The following GFM1 variants were observed in gnomAD, a reference collection of about 807,000 sequenced individuals.
GFM1 encodes elongation factor G, mitochondrial.
In GFM1, 62 loss-of-function variants were observed where a neutral mutation model predicts 96.2. The ratio of observed to expected loss-of-function variants is 0.64; its 90% CI spans 0.53 to 0.80. The LOEUF is 0.80. Ranked by LOEUF, GFM1 falls within the 30% of genes least tolerant of loss-of-function variation. The pLI, the probability that GFM1 is intolerant of heterozygous loss-of-function variation, is 0.00. For missense variants in GFM1, 852 were observed against 916.6 expected (o/e 0.93, Z 0.91); for synonymous variants, 282 against 312.9 (o/e 0.90, Z 1.04).
intron 5 of GFM1, chr3:158,650,805 G>A (rs569479021): frequency 2.0e-5 from 3 of 152,156 alleles, no homozygotes; most frequent in Non-Finnish European, 4.4e-5. Flanking sequence ...GGCAGATCAC[G>A]AGGTCAGGAG....
chr3:158,668,967 T>G (rs777713774), intron 13 of GFM1: 6 of 1,552,152 alleles, frequency 3.9e-6, no homozygotes, highest in Non-Finnish European at 8.8e-7. Context: ...TTAACCCCAT[T>G]AATAGTGTAT....
At chr3:158,654,428 A>T in intron 7 of GFM1, 119 bp from the exon 8 acceptor site, 2 of 654,238 alleles carry the variant, frequency 3.1e-6, no homozygotes. Context: ...CTTATGTGTG[A>T]CAGCAGTAAT....
At chr3:158,671,060 A>G (rs1279133312) in intron 13 of GFM1, 1 of 1,471,598 alleles carries the variant, frequency 6.8e-7, no homozygotes. Flanking sequence ...AAAATATTAT[A>G]ACAACATTAT....
intron 13 of GFM1, among the ~76,000 whole-genome samples, chr3:158,681,547 A>T (rs1725383686): frequency 6.6e-6 from 1 of 150,496 alleles, no homozygotes; most frequent in Non-Finnish European, 1.5e-5. Flanking sequence ...TGAGTCTATA[A>T]TGCCCAAGGA....
At chr3:158,647,717 A>G (rs1721945341) in intron 4 of GFM1, among the ~76,000 whole-genome samples, 1 of 152,078 alleles carries the variant, frequency 6.6e-6, no homozygotes, top group Non-Finnish European at 1.5e-5. Flanking sequence ...TTTTTTGGTA[A>G]ATTGTTTTTA....
At chr3:158,680,744 A>C (rs1372657714) in intron 13 of GFM1, among the ~76,000 whole-genome samples, 1 of 152,134 alleles carries the variant, frequency 6.6e-6, no homozygotes, top group African/African-American at 2.4e-5. Flanking sequence ...CAATCCATAT[A>C]AGGTGCTTAA....
chr3:158,649,127 AAC>A lies in GFM1; in HGVS notation c.660_661del (p.Arg221SerfsTer5), dbSNP rs1722085535. The A allele has an allele frequency of 6.7e-7, 1 of 1,501,846 alleles. No homozygotes were observed. The highest frequency in any genetic ancestry group is 9.3e-7 in the Non-Finnish European group (1 of 1,078,818). 93.0% of individuals were successfully genotyped at this position (1,501,846 alleles called of 1,614,324 possible). ...AAAGGTATTGTAGATCTTATTGAGG[AAC>A]GAGCCATCTATTTTGATGGAGACTT... On this transcript the variant is annotated frameshift_variant, in exon 5 of 18. Transcript: ENST00000486715. LOFTEE classifies it high-confidence loss of function.
Position 158,644,607 on chromosome 3 carries a change from G to A in GFM1, c.-28G>A. On this transcript the variant is annotated 5_prime_UTR_variant, in exon 1 of 18. Transcript: ENST00000486715. ...GCAGCTGAACCCACCCGGCGCCACG[G>A]GACTTTGACGCGTGCTCTGCGCTTG... is the stretch of plus-strand genomic sequence containing the variant. 8 of 1,553,888 alleles carry A rather than the reference G, an allele frequency of 5.1e-6. No individual in the cohort carries two copies. Among genetic ancestry groups the A allele is most frequent in the Non-Finnish European group, 7.0e-6 (8 of 1,148,320 alleles).
intron 13 of GFM1, among the ~76,000 whole-genome samples, chr3:158,674,081 T>G (rs1263890413): frequency 1.1e-5 from 1 of 90,104 alleles, no homozygotes; most frequent in African/African-American, 4.5e-5. Flanking sequence ...ACACATGACC[T>G]TTTTTTTTTT....
intron 13 of GFM1, among the ~76,000 whole-genome samples, chr3:158,674,104 A>G (rs1308427925): frequency 1.4e-5 from 2 of 143,788 alleles, no homozygotes; most frequent in Non-Finnish European, 3.0e-5. Context: ...TTTTGGAGAC[A>G]GAGTTTCGCT....
At position 158,693,786 on chromosome 3, in the gene GFM1, C is replaced by G. The variant is rs1254056056; in HGVS notation, c.*2319C>G. 6.6e-6 allele frequency: 1 copy of G among 151,986 alleles called. No homozygotes were observed. The highest frequency in any genetic ancestry group is 2.4e-5 in the African/African-American group (1 of 41,360). The allele number at this position is 151,986 out of a possible 1,614,324, so 9.4% of individuals were successfully genotyped here. On this transcript the variant is annotated 3_prime_UTR_variant, in exon 18 of 18. Transcript: ENST00000486715. ...TGTACTTTAAAAATCACTGGGGGAG[C>G]CTTAAAAAGAAATACCTAGGCCTAC...
At position 158,667,172 on chromosome 3, in the gene GFM1, A is replaced by G. The variant is rs1406481416; in HGVS notation, c.1601+786A>G. On this transcript the variant is annotated intron_variant, in intron 13 of 17. Transcript: ENST00000486715. ...TCATCTTTGATTAGATGAATATAAT[A>G]TTTCCATTTAGGTAAAAATAAAAAT... 3.2e-6 allele frequency: 4 copies of G among 1,248,706 alleles called. No individual in the cohort carries two copies. In the African/African-American group the frequency reaches 6.3e-5, roughly 20 times the overall value. 77.4% of individuals were successfully genotyped at this position (1,248,706 alleles called of 1,614,324 possible).
At chr3:158,648,602 C>T (rs564160964) in intron 4 of GFM1, among the ~76,000 whole-genome samples, 41 of 148,060 alleles carry the variant, frequency 2.8e-4, no homozygotes, top group African/African-American at 8.0e-4. Flanking sequence ...TGCTTGAAGC[C>T]GGGAGGCGGA....
chr3:158,669,298 G>A, intron 13 of GFM1: 2 of 1,180,410 alleles, frequency 1.7e-6, no homozygotes, highest in Non-Finnish European at 2.3e-6. Context: ...TTGTTGGATT[G>A]GATTAGAAAT....
At chr3:158,685,127 C>G (rs1560144930) in intron 15 of GFM1, 1 of 158,750 alleles carries the variant, frequency 6.3e-6, no homozygotes, top group African/African-American at 2.4e-5. Flanking sequence ...ATTTGGTAAA[C>G]CTTATTCACA....
chr3:158,654,659 G>C (rs1457412303), intron 8 of GFM1, 28 bp downstream of exon 8: 3 of 1,335,760 alleles, frequency 2.2e-6, no homozygotes, highest in Non-Finnish European at 2.2e-6. Flanking sequence ...GTATTTAACT[G>C]CTATCTGTAG....
chr3:158,684,704 T>G (rs1402006371), intron 15 of GFM1, 36 bp downstream of exon 15: 5 of 1,609,746 alleles, frequency 3.1e-6, no homozygotes, highest in Non-Finnish European at 4.2e-6. Context: ...CTGTCTGTTT[T>G]CCTGATAGAT....
chr3:158,683,356 A>G (rs140433621), intron 14 of GFM1, among the ~76,000 whole-genome samples: 58 of 152,304 alleles, frequency 3.8e-4, no homozygotes, highest in African/African-American at 1.3e-3. Flanking sequence ...GCCAGGAAAA[A>G]CTAACTTAAG....
rs1257566037 is a variant in GFM1, at chr3:158,658,634, AC to A, written c.1084-287del. On this transcript the variant is annotated intron_variant, in intron 8 of 17. Coordinates refer to ENST00000486715, the MANE Select transcript of GFM1 (RefSeq NM_024996.7). Reference sequence around the variant, plus strand: ...TATGAAATGTTAGAAGGCAAAAGATACTTCCTTATTATGTAAACAACTTAAA... The same window carrying A: ...TATGAAATGTTAGAAGGCAAAAGATATTCCTTATTATGTAAACAACTTAAA... Among the ~76,000 whole-genome samples the A allele has an allele frequency of 2.0e-5, 3 of 152,202 alleles. No homozygotes were observed. In the East Asian group the frequency reaches 5.8e-4, roughly 29 times the overall value.
Sources: allele counts gnomAD v4.1 joint callset (sites outside exome capture counted in the v4.1 genomes callset), GRCh38; gene constraint gnomAD v4.1.1; transcripts MANE v1.5; gene names NCBI Gene and HGNC (gene_info 2026-07-23, HGNC 2026-07-21).